The following FGF14 variants were observed in gnomAD, a reference collection of about 807,000 sequenced individuals.
FGF14 encodes the protein fibroblast growth factor 14.
Under a neutral mutation model 25.5 loss-of-function variants are expected in FGF14, and 5 were observed. The observed-to-expected ratio is 0.20, with a 90% CI of 0.10 to 0.41. The LOEUF (loss-of-function observed/expected upper bound fraction) is 0.41, where lower values mean the gene tolerates loss of function less well. Among genes scored for constraint, FGF14 ranks in the 10% least tolerant of loss-of-function variants. The pLI, the probability that FGF14 is intolerant of heterozygous loss-of-function variation, is 1.00. For synonymous variants in FGF14, 138 were observed against 118.3 expected (o/e 1.17, Z -1.08); for missense variants, 222 against 320.1 (o/e 0.69, Z 2.34).
intron 1 of FGF14, among the ~76,000 whole-genome samples, chr13:102,356,587 G>C (rs1271932590): frequency 6.6e-6 from 1 of 152,116 alleles, no homozygotes; most frequent in Non-Finnish European, 1.5e-5. Context: ...AGATCTGATG[G>C]TCTAAGAGGC....
chr13:101,897,433 C>T (rs2030864669), intron 1 of FGF14, among the ~76,000 whole-genome samples: 1 of 152,136 alleles, frequency 6.6e-6, no homozygotes, highest in South Asian at 2.1e-4. Flanking sequence ...CCACAGGCTT[C>T]AGAGAAGAAT....
At chr13:101,724,626 AT>A (rs1566820060) in intron 4 of FGF14, among the ~76,000 whole-genome samples, 2 of 132,628 alleles carry the variant, frequency 1.5e-5, no homozygotes, top group African/African-American at 2.7e-5. Context: ...ATATATATAT[AT>A]ATATAAAACA....
At chr13:101,943,039 A>T (rs775735531) in intron 1 of FGF14, among the ~76,000 whole-genome samples, 2 of 152,178 alleles carry the variant, frequency 1.3e-5, no homozygotes, top group African/African-American at 4.8e-5. Context: ...TCCCATAGCC[A>T]TGGTGTTTAC....
At chr13:101,867,479 T>C (rs991557441) in intron 3 of FGF14, among the ~76,000 whole-genome samples, 1 of 152,188 alleles carries the variant, frequency 6.6e-6, no homozygotes, top group African/African-American at 2.4e-5. Context: ...TAATGATGTT[T>C]AGGCCCCTAA....
At chr13:101,839,170 G>A (rs9585793) in intron 3 of FGF14, among the ~76,000 whole-genome samples, 1,971 of 152,040 alleles carry the variant, frequency 0.013, 40 homozygotes, top group African/African-American at 0.044. Context: ...CCATTTCACC[G>A]CACTGTTCCA....
At chr13:101,855,698 A>G (rs1173271947) in intron 3 of FGF14, among the ~76,000 whole-genome samples, 1 of 151,928 alleles carries the variant, frequency 6.6e-6, no homozygotes, top group Non-Finnish European at 1.5e-5. Context: ...GGGATTTTTA[A>G]TTGGCTTGAA....
chr13:101,933,175 A>G (rs2034880947), intron 1 of FGF14, among the ~76,000 whole-genome samples: 1 of 152,196 alleles, frequency 6.6e-6, no homozygotes, highest in Non-Finnish European at 1.5e-5. Flanking sequence ...ATCCGTCAAA[A>G]CAAGTTCAAA....
At chr13:102,142,471 T>C (rs2046683134) in intron 1 of FGF14, among the ~76,000 whole-genome samples, 1 of 152,170 alleles carries the variant, frequency 6.6e-6, no homozygotes, top group Non-Finnish European at 1.5e-5. Context: ...ACCCTGGATG[T>C]CTGACAAGTA....
intron 3 of FGF14, among the ~76,000 whole-genome samples, chr13:101,845,488 G>T (rs1446849266): frequency 6.6e-6 from 1 of 151,946 alleles, no homozygotes; most frequent in East Asian, 1.9e-4. Flanking sequence ...ATACCCAATG[G>T]CAGAAACTGA....
At chr13:101,759,390 C>T (rs2037864537) in intron 3 of FGF14, among the ~76,000 whole-genome samples, 1 of 152,142 alleles carries the variant, frequency 6.6e-6, no homozygotes, top group South Asian at 2.1e-4. Flanking sequence ...CATAACGCAT[C>T]AGTGGGCAAT....
chr13:101,833,458 G>A (rs2042775211), intron 3 of FGF14, among the ~76,000 whole-genome samples: 1 of 152,012 alleles, frequency 6.6e-6, no homozygotes, highest in African/African-American at 2.4e-5. Context: ...CGGAGTTGAG[G>A]AAATAGGGTT....
At chr13:102,211,398 C>T (rs1336698) in intron 1 of FGF14, among the ~76,000 whole-genome samples, 129,223 of 151,924 alleles carry the variant, frequency 0.85, 55,396 homozygotes, top group African/African-American at 0.96. Context: ...AATTTGCTTA[C>T]TCCCCTCATC....
intron 3 of FGF14, among the ~76,000 whole-genome samples, chr13:101,747,818 G>A (rs1222184604): frequency 6.6e-6 from 1 of 151,512 alleles, no homozygotes; most frequent in Non-Finnish European, 1.5e-5. Flanking sequence ...GTGGGGAAAG[G>A]AACAATTCTT....
chr13:101,918,591 C>T (rs1222461586), upstream of FGF14, among the ~76,000 whole-genome samples: 1 of 152,210 alleles, frequency 6.6e-6, no homozygotes, highest in Admixed American at 6.5e-5. Flanking sequence ...GTAGAGTACT[C>T]GCCACCAGGC....
chr13:102,141,822 C>T (rs560477023), intron 1 of FGF14, among the ~76,000 whole-genome samples: 2 of 152,210 alleles, frequency 1.3e-5, no homozygotes, highest in East Asian at 3.9e-4. Context: ...CTAGAGGGCA[C>T]AAATAAGGCT....
chr13:102,136,589 T>A (rs143863712), intron 1 of FGF14, among the ~76,000 whole-genome samples: 110 of 151,896 alleles, frequency 7.2e-4, no homozygotes, highest in African/African-American at 2.6e-3. Flanking sequence ...TTGGAAGAGT[T>A]AGTTCTTCTA....
In FGF14 at chr13:102,289,630, G is replaced by A. The variant is rs912132870; in HGVS notation, c.208+111841C>T. 5.3e-5 allele frequency among the ~76,000 whole-genome samples: 8 copies of A among 152,248 alleles called. 1 individual carries two copies. The South Asian group carries it at 1.0e-3, about 20-fold the overall frequency. On this transcript the variant is annotated intron_variant, in intron 1 of 4. Coordinates refer to the FGF14 transcript ENST00000376131. ...TTCAGTCTTAGCTTGAGGGTTGTAC[G>A]AAAACCAGTAGGAGGTAGGTTCAGC...
intron 1 of FGF14, among the ~76,000 whole-genome samples, chr13:102,183,433 A>G (rs1233721773): frequency 2.6e-5 from 4 of 152,222 alleles, no homozygotes; most frequent in Non-Finnish European, 1.5e-5. Flanking sequence ...CAGGATAAGT[A>G]CTGCCAGATC....
intron 1 of FGF14, among the ~76,000 whole-genome samples, chr13:102,194,641 T>C (rs754962017): frequency 1.3e-5 from 2 of 152,174 alleles, no homozygotes; most frequent in East Asian, 1.9e-4. Flanking sequence ...AACATCCACA[T>C]AATGAAAACT....
Sources: gnomAD v4.1 joint callset for allele counts (sites outside exome capture counted in the v4.1 genomes callset) on GRCh38, gnomAD v4.1.1 for gene constraint, MANE v1.5 for transcripts, NCBI Gene and HGNC (gene_info 2026-07-23, HGNC 2026-07-21) for gene names.